ARHGAP15: variants seen among roughly 807,000 people sequenced by gnomAD.
ARHGAP15 encodes rho GTPase-activating protein 15.
A neutral mutation model predicts 63.7 loss-of-function variants in ARHGAP15; 51 were observed. That is an observed-to-expected ratio of 0.80 (90% CI 0.64 to 1.01). ARHGAP15 has a LOEUF of 1.01. Among genes scored for constraint, ARHGAP15 ranks in the 50% least tolerant of loss-of-function variants. The pLI, the probability that ARHGAP15 is intolerant of heterozygous loss-of-function variation, is 0.00. For synonymous variants in ARHGAP15, 191 were observed against 193.8 expected, an observed-to-expected ratio of 0.99 and a Z score of 0.12; for missense variants, 560 against 564.6, an observed-to-expected ratio of 0.99 and a Z score of 0.08.
At chr2:143,338,178 C>G (rs904005653) in intron 6 of ARHGAP15, among the ~76,000 whole-genome samples, 1 of 152,074 alleles carries the variant, frequency 6.6e-6, no homozygotes, top group East Asian at 1.9e-4. Flanking sequence ...TAGGAGTATA[C>G]CAGTGAGTAA....
chr2:143,378,459 A>G (rs964264550), intron 6 of ARHGAP15, among the ~76,000 whole-genome samples: 1 of 152,052 alleles, frequency 6.6e-6, no homozygotes, highest in Non-Finnish European at 1.5e-5. Context: ...AATATACTGG[A>G]TCAAACCCAA....
At chr2:143,543,063 G>T (rs1486827274) in intron 10 of ARHGAP15, among the ~76,000 whole-genome samples, 7 of 151,454 alleles carry the variant, frequency 4.6e-5, no homozygotes, top group African/African-American at 1.7e-4. Context: ...TATACCCAGT[G>T]GTGGGATTGC....
intron 6 of ARHGAP15, among the ~76,000 whole-genome samples, chr2:143,346,250 TCA>T (rs138964635): frequency 0.017 from 2,328 of 138,518 alleles, 17 homozygotes; most frequent in African/African-American, 0.025. Context: ...ACACACACAC[TCA>T]CACACACACA....
At chr2:143,740,645 G>A (rs1685927912) in intron 13 of ARHGAP15, among the ~76,000 whole-genome samples, 1 of 152,190 alleles carries the variant, frequency 6.6e-6, no homozygotes, top group Non-Finnish European at 1.5e-5. Flanking sequence ...GATCCGCCAG[G>A]TCTGTCAGTT....
intron 3 of ARHGAP15, among the ~76,000 whole-genome samples, chr2:143,215,737 A>G (rs1692732423): frequency 6.6e-6 from 1 of 152,200 alleles, no homozygotes; most frequent in Admixed American, 6.5e-5. Context: ...CTCCGCAAAC[A>G]CTTCTGCGGA....
In ARHGAP15 at chr2:143,327,479, C is replaced by A. The variant is rs960735539; in HGVS notation, c.474+76879C>A. Among the ~76,000 whole-genome samples the A allele has an allele frequency of 3.3e-5, 5 of 152,302 alleles. No homozygotes were observed. The East Asian group carries it at 9.6e-4, about 29-fold the overall frequency. On this transcript the variant is annotated intron_variant, in intron 6 of 13. Transcript: ENST00000295095. ...AAAGAATAAAGCCGGAGGCATCACA[C>A]TACCTGACTTCAAACTATACTACAA...
At chr2:143,612,191 T>A (rs1430490602) in intron 11 of ARHGAP15, among the ~76,000 whole-genome samples, 1 of 152,220 alleles carries the variant, frequency 6.6e-6, no homozygotes. Context: ...ATTTCATCAT[T>A]CACCTTTGCA....
chr2:143,672,076 T>C (rs1682555223), intron 12 of ARHGAP15, among the ~76,000 whole-genome samples: 1 of 152,218 alleles, frequency 6.6e-6, no homozygotes, highest in Non-Finnish European at 1.5e-5. Flanking sequence ...TCAGTAATTA[T>C]AACTTAGGTC....
At chr2:143,173,759 G>C (rs1008918495) in intron 2 of ARHGAP15, among the ~76,000 whole-genome samples, 1 of 152,032 alleles carries the variant, frequency 6.6e-6, no homozygotes, top group Non-Finnish European at 1.5e-5. Context: ...TTGGTAGATT[G>C]ATAACAGTCT....
chr2:143,368,259 A>G (rs1311112396), intron 6 of ARHGAP15, among the ~76,000 whole-genome samples: 3 of 152,106 alleles, frequency 2.0e-5, no homozygotes, highest in East Asian at 3.8e-4. Flanking sequence ...TGATTGGAGT[A>G]AAGAAATATG....
chr2:143,175,410 G>T (rs1252344631), intron 2 of ARHGAP15, among the ~76,000 whole-genome samples: 1 of 152,186 alleles, frequency 6.6e-6, no homozygotes, highest in Non-Finnish European at 1.5e-5. Context: ...ATTCAGGGTG[G>T]AAAGATTGGA....
intron 11 of ARHGAP15, among the ~76,000 whole-genome samples, chr2:143,576,137 G>A (rs142057149): frequency 3.9e-5 from 6 of 152,178 alleles, no homozygotes; most frequent in East Asian, 1.9e-4. Context: ...ATTTAACTAC[G>A]TTTAAAATAC....
intron 6 of ARHGAP15, among the ~76,000 whole-genome samples, chr2:143,340,107 CA>C (rs900145431): frequency 2.0e-5 from 3 of 151,954 alleles, no homozygotes; most frequent in Admixed American, 1.3e-4. Flanking sequence ...ATGAAAAAGA[CA>C]AAAAAATAGG....
At chr2:143,405,043 G>C (rs1306392742) in intron 6 of ARHGAP15, among the ~76,000 whole-genome samples, 1 of 151,808 alleles carries the variant, frequency 6.6e-6, no homozygotes, top group Non-Finnish European at 1.5e-5. Flanking sequence ...TCTTTGCAGT[G>C]ATTCCAAAGT....
intron 6 of ARHGAP15, among the ~76,000 whole-genome samples, chr2:143,257,440 A>G (rs1309080520): frequency 6.6e-6 from 1 of 152,150 alleles, no homozygotes; most frequent in East Asian, 1.9e-4. Context: ...ACGTCATCTA[A>G]TGAACTTAGA....
intron 6 of ARHGAP15, among the ~76,000 whole-genome samples, chr2:143,250,865 C>T (rs1188128387): frequency 1.3e-5 from 2 of 151,854 alleles, no homozygotes; most frequent in South Asian, 2.1e-4. Context: ...GCAGTATATG[C>T]GATAGATGTC....
intron 6 of ARHGAP15, among the ~76,000 whole-genome samples, chr2:143,313,158 G>A (rs879720121): frequency 2.0e-5 from 3 of 151,754 alleles, no homozygotes; most frequent in Non-Finnish European, 4.4e-5. Context: ...AGATGAGAGA[G>A]AAAAAAAGAA....
At chr2:143,681,606 A>G (rs933217526) in intron 12 of ARHGAP15, among the ~76,000 whole-genome samples, 2 of 152,210 alleles carry the variant, frequency 1.3e-5, no homozygotes, top group East Asian at 1.9e-4. Flanking sequence ...CATAGCGACC[A>G]TTCATCCAGA....
Position 143,155,550 on chromosome 2 carries a change from C to A in ARHGAP15, c.60C>A (p.Gly20=), listed in dbSNP as rs755616806. Residue 20 remains glycine (G), a synonymous_variant, in exon 2 of 14, where the codon GGC becomes GGA. Transcript: ENST00000295095. ...AAACACTGAATTCTACCCGCCAAGG[C>A]ACAGGAGCTGTGCAAATGAGAATCA... The part of the protein sequence containing the change: ...SVETLNSTRQ[G]TGAVQMRIKN... 9 of 1,609,336 alleles carry A rather than the reference C, an allele frequency of 5.6e-6. No homozygotes were observed. The South Asian group carries it at 8.8e-5, about 16-fold the overall frequency.
Sources: allele counts gnomAD v4.1 joint callset (sites outside exome capture counted in the v4.1 genomes callset), GRCh38; gene constraint gnomAD v4.1.1; transcripts MANE v1.5; gene names NCBI Gene and HGNC (gene_info 2026-07-23, HGNC 2026-07-21).